ARMH1: variants seen among roughly 807,000 people sequenced by gnomAD.
ARMH1 encodes the protein armadillo like helical domain containing 1.
A neutral mutation model predicts 50.2 loss-of-function variants in ARMH1; 34 were observed. The observed-to-expected ratio is 0.68, with a 90% CI of 0.51 to 0.90. The LOEUF (loss-of-function observed/expected upper bound fraction) is 0.90, where lower values mean the gene tolerates loss of function less well. ARMH1 is among the 40% of genes least tolerant of loss of function. The pLI, the probability that ARMH1 is intolerant of heterozygous loss-of-function variation, is 0.00. For synonymous variants in ARMH1, 221 were observed against 224.2 expected, an observed-to-expected ratio of 0.99 and a Z score of 0.13; for missense variants, 538 against 553.9, an observed-to-expected ratio of 0.97 and a Z score of 0.29.
At chr1:44,679,391 T>C (rs1645237436) in intron 1 of ARMH1, among the ~76,000 whole-genome samples, 1 of 152,246 alleles carries the variant, frequency 6.6e-6, no homozygotes, top group Non-Finnish European at 1.5e-5. Context: ...CCAAAAGCCA[T>C]TTTCCATTAG....
intron 4 of ARMH1, among the ~76,000 whole-genome samples, chr1:44,699,406 C>T (rs1298129590): frequency 1.3e-5 from 2 of 152,058 alleles, no homozygotes; most frequent in African/African-American, 4.8e-5. Context: ...AATCCCTGTC[C>T]TCAGACAGTT....
rs192830419 is a variant in ARMH1 at position 44,696,629 on chromosome 1, A to G, written c.207-473A>G. Among the ~76,000 whole-genome samples, 31 of 152,356 alleles carry G rather than the reference A, an allele frequency of 2.0e-4. No individual in the cohort carries two copies. The East Asian group carries it at 6.0e-3, about 29-fold the overall frequency. Reference sequence around the variant, plus strand: ...ATTCTTATTAGGAAGCCAATTCTTCATAAGGATAGTGACCTCCAGTGTAAA... The same window carrying G: ...ATTCTTATTAGGAAGCCAATTCTTCGTAAGGATAGTGACCTCCAGTGTAAA... On this transcript the variant is annotated intron_variant, in intron 2 of 11. Transcript: ENST00000535358.
rs932015898 is a variant in ARMH1 at position 44,681,146 on chromosome 1, C to G, written c.-23+6273C>G. Among the ~76,000 whole-genome samples the G allele has an allele frequency of 6.6e-6, 1 of 151,986 alleles. No homozygotes were observed. Among genetic ancestry groups the G allele is most frequent in the Non-Finnish European group, 1.5e-5 (1 of 67,990 alleles). On this transcript the variant is annotated intron_variant, in intron 1 of 11. Transcript: ENST00000535358. This position sits in a 1 kb window ranked among gnomAD's most constrained non-coding sequence, Gnocchi z 4.3. ...AGTAGCTGGGACTGCAGGCGTCCACCACCATGCCCGGCTAACTTTTTGTAT... is the reference window on the plus strand; with the variant it reads ...AGTAGCTGGGACTGCAGGCGTCCACGACCATGCCCGGCTAACTTTTTGTAT...
intron 6 of ARMH1, among the ~76,000 whole-genome samples, chr1:44,715,882 C>G (rs181353221): frequency 6.6e-6 from 1 of 152,322 alleles, no homozygotes; most frequent in Non-Finnish European, 1.5e-5. Flanking sequence ...TCATTTACTG[C>G]TGTTTCATCA....
chr1:44,693,664 C>G (rs1457438853), intron 2 of ARMH1, among the ~76,000 whole-genome samples: 1 of 152,112 alleles, frequency 6.6e-6, no homozygotes, highest in Non-Finnish European at 1.5e-5. Flanking sequence ...TGCTGTTTCC[C>G]AGGCTCATCT....
rs1647937349 is a variant in ARMH1 at position 44,724,479 on chromosome 1, G to A, written c.921-60G>A. On this transcript the variant is annotated intron_variant, in intron 8 of 11. Coordinates refer to ENST00000535358, the MANE Select transcript of ARMH1 (RefSeq NM_001145636.2). This position sits in a 1 kb window ranked among gnomAD's most constrained non-coding sequence, Gnocchi z 6.4. ...CCGGGAGCGCTCCGTGCGCCGGGTG[G>A]GCGGGGGTGTGCGCCGGGTGAGCCC... 1 of 1,515,348 alleles carries A rather than the reference G, an allele frequency of 6.6e-7. No individual in the cohort carries two copies. The allele number at this position is 1,515,348 out of a possible 1,614,324, so 93.9% of individuals were successfully genotyped here.
intron 6 of ARMH1, among the ~76,000 whole-genome samples, chr1:44,710,036 A>T (rs573660786): frequency 1.3e-5 from 2 of 152,190 alleles, no homozygotes; most frequent in Non-Finnish European, 2.9e-5. Context: ...AGTATGGTTC[A>T]TCAGCCCCAA....
At position 44,681,275 on chromosome 1, in the gene ARMH1, G is replaced by C. The variant is rs189390833; in HGVS notation, c.-23+6402G>C. 1.7e-4 allele frequency among the ~76,000 whole-genome samples: 26 copies of C among 152,228 alleles called. 1 individual carries two copies. Among genetic ancestry groups the C allele is most frequent in the Admixed American group, 9.2e-4 (14 of 15,282 alleles). On this transcript the variant is annotated intron_variant, in intron 1 of 11. Coordinates refer to ENST00000535358, the MANE Select transcript of ARMH1 (RefSeq NM_001145636.2). This position sits in a 1 kb window ranked among gnomAD's most constrained non-coding sequence, Gnocchi z 4.3. Reference sequence around the variant, plus strand: ...CTCCCAAAGTGCTGGGATTACAAGCGTGAGCCACTGCGCCCGGCCGTGAGG... The same window carrying C: ...CTCCCAAAGTGCTGGGATTACAAGCCTGAGCCACTGCGCCCGGCCGTGAGG...
At chr1:44,678,883 CCAAG>C (rs1645219398) in intron 1 of ARMH1, among the ~76,000 whole-genome samples, 1 of 152,158 alleles carries the variant, frequency 6.6e-6, no homozygotes, top group African/African-American at 2.4e-5. Context: ...TCGCTTGTTG[CCAAG>C]GACCTTTGGC....
At chr1:44,706,391 C>A (rs1212378374) in intron 6 of ARMH1, among the ~76,000 whole-genome samples, 2 of 152,076 alleles carry the variant, frequency 1.3e-5, no homozygotes, top group Non-Finnish European at 1.5e-5. Flanking sequence ...GACAGACAGC[C>A]CCAGTAAGCA....
At chr1:44,708,556 ATGTGTG>A (rs1646445630) in intron 6 of ARMH1, among the ~76,000 whole-genome samples, 1 of 152,108 alleles carries the variant, frequency 6.6e-6, no homozygotes, top group Admixed American at 6.5e-5. Flanking sequence ...CCCATGTGGC[ATGTGTG>A]TGGGGCAGAG....
At chr1:44,714,983 C>T (rs1020222534) in intron 6 of ARMH1, among the ~76,000 whole-genome samples, 2 of 152,016 alleles carry the variant, frequency 1.3e-5, no homozygotes, top group African/African-American at 2.4e-5. Flanking sequence ...TGGGCTCAAG[C>T]GATCCTCCCG....
chr1:44,697,942 TG>T, intron 3 of ARMH1, 120 bp from the exon 4 acceptor site: 1 of 659,282 alleles, frequency 1.5e-6, no homozygotes, highest in Non-Finnish European at 2.4e-6. Flanking sequence ...ACTTTACCTA[TG>T]GACATTTCCT....
chr1:44,725,503 C>A lies in ARMH1; in HGVS notation c.*100C>A. 8.2e-7 allele frequency: 1 copy of A among 1,222,176 alleles called. No homozygotes were observed. Among genetic ancestry groups the A allele is most frequent in the Non-Finnish European group, 1.2e-6 (1 of 858,256 alleles). 75.7% of individuals were successfully genotyped at this position (1,222,176 alleles called of 1,614,324 possible). A position where few individuals can be genotyped will look rare whatever the true frequency, so the allele number is the denominator to read the frequency against. ...AAGCTCAGAGCCACTCCACTTGGCT[C>A]CAGGGGGGAGACGGGGATTAGGCAT... On this transcript the variant is annotated 3_prime_UTR_variant, in exon 12 of 12. Coordinates refer to ENST00000535358, the MANE Select transcript of ARMH1 (RefSeq NM_001145636.2).
chr1:44,707,825 C>T (rs1442712445), intron 6 of ARMH1, among the ~76,000 whole-genome samples: 1 of 152,190 alleles, frequency 6.6e-6, no homozygotes, highest in Admixed American at 6.5e-5. Context: ...TATTCAGTAA[C>T]AACTAACAGC....
At chr1:44,703,631 A>G (rs1210517785) in intron 5 of ARMH1, among the ~76,000 whole-genome samples, 1 of 151,270 alleles carries the variant, frequency 6.6e-6, no homozygotes, top group Non-Finnish European at 1.5e-5. Context: ...CAGAGGCTGA[A>G]GCAGAAGAAT....
At chr1:44,718,534 C>CA (rs550502208) in intron 6 of ARMH1, among the ~76,000 whole-genome samples, 13 of 152,150 alleles carry the variant, frequency 8.5e-5, no homozygotes, top group Non-Finnish European at 1.5e-4. Context: ...TGGGGGAAGC[C>CA]AGGGAAGCTC....
In ARMH1 at chr1:44,697,146, G is replaced by C. The variant is rs151282424; in HGVS notation, c.251G>C (p.Gly84Ala). Reference sequence around the variant, plus strand: ...TTAGAAAAGCTTCTCAGGTCCATTGGCATCTTCTTATCAGCTGTAAGCAGG... The same window carrying C: ...TTAGAAAAGCTTCTCAGGTCCATTGCCATCTTCTTATCAGCTGTAAGCAGG... ...SCLEKLLRSIGIFLSAVSSNR... is the reference protein window; with the variant it reads ...SCLEKLLRSIAIFLSAVSSNR... Residue 84 changes from glycine to alanine, a missense_variant, in exon 3 of 12, where the codon GGC (glycine) becomes GCC (alanine). Gly to Ala is a moderately conservative substitution (Grantham distance 60). Coordinates refer to ENST00000535358, the MANE Select transcript of ARMH1 (RefSeq NM_001145636.2). The C allele has an allele frequency of 5.7e-4, 888 of 1,551,982 alleles. 3 individuals are homozygous for C. The highest frequency in any genetic ancestry group is 3.3e-5 in the Non-Finnish European group (38 of 1,146,912).
intron 2 of ARMH1, among the ~76,000 whole-genome samples, chr1:44,693,323 G>T (rs908055867): frequency 2.0e-5 from 3 of 152,092 alleles, no homozygotes; most frequent in Non-Finnish European, 4.4e-5. Flanking sequence ...TTCCTTCCTT[G>T]TCTTACTGAA....
Sources: allele counts gnomAD v4.1 joint callset (sites outside exome capture counted in the v4.1 genomes callset), GRCh38; gene constraint gnomAD v4.1.1; non-coding constraint Gnocchi (gnomAD v3.1); transcripts MANE v1.5; gene names NCBI Gene and HGNC (gene_info 2026-07-23, HGNC 2026-07-21).